The following SV2B variants were observed in gnomAD, a reference collection of about 807,000 sequenced individuals.
SV2B encodes the protein synaptic vesicle glycoprotein 2B.
In SV2B, 41 loss-of-function variants were observed where a neutral mutation model predicts 73.9. The observed-to-expected ratio is 0.56, with a 90% CI of 0.43 to 0.72. SV2B has a LOEUF of 0.72. Among genes scored for constraint, SV2B ranks in the 30% least tolerant of loss-of-function variants. The pLI is 0.00. For synonymous variants in SV2B, 314 were observed against 314.2 expected (o/e 1.00, Z 0.01); for missense variants, 764 against 857.8 (o/e 0.89, Z 1.37).
intron 1 of SV2B, among the ~76,000 whole-genome samples, chr15:91,107,811 A>G (rs1326202764): frequency 6.6e-6 from 1 of 152,074 alleles, no homozygotes; most frequent in Non-Finnish European, 1.5e-5. Context: ...GGATCTTGCT[A>G]TGCTGCCCAG....
intron 1 of SV2B, among the ~76,000 whole-genome samples, chr15:91,208,860 A>T (rs2141415040): frequency 6.6e-6 from 1 of 152,264 alleles, no homozygotes; most frequent in South Asian, 2.1e-4. Flanking sequence ...GTTGGAGTTC[A>T]TTTCAGTATC....
intron 1 of SV2B, among the ~76,000 whole-genome samples, chr15:91,104,296 C>T (rs2041818178): frequency 6.6e-6 from 1 of 152,180 alleles, no homozygotes; most frequent in African/African-American, 2.4e-5. Flanking sequence ...TTAGGATGGC[C>T]TCAGCTGGAT....
intron 1 of SV2B, among the ~76,000 whole-genome samples, chr15:91,181,394 G>C (rs1423816381): frequency 6.6e-6 from 1 of 152,102 alleles, no homozygotes; most frequent in Non-Finnish European, 1.5e-5. Context: ...ATCTCCAGCT[G>C]CGTGCTGGGA....
chr15:91,300,391 G>A lies in SV2B; in HGVS notation c.*7839G>A, dbSNP rs1369595722. 1 of 152,198 alleles carries A rather than the reference G, an allele frequency of 6.6e-6. No homozygotes were observed. The highest frequency in any genetic ancestry group is 1.5e-5 in the Non-Finnish European group (1 of 68,040). 9.4% of individuals were successfully genotyped at this position (152,198 alleles called of 1,614,324 possible). On this transcript the variant is annotated 3_prime_UTR_variant, in exon 13 of 13. Transcript: ENST00000394232. ...GATGTAATGAGTTAAGTAGATGAAA[G>A]AGATTAAGGTGCAGGGAAGGGCTCT...
chr15:91,189,364 A>G (rs8036378), intron 1 of SV2B, among the ~76,000 whole-genome samples: 2,053 of 152,140 alleles, frequency 0.013, 52 homozygotes, highest in African/African-American at 0.046. Context: ...AAATATATGT[A>G]TTGTTTTATT....
rs1482670629 is a variant in SV2B at position 91,258,718 on chromosome 15, G to A, written c.918+164G>A. ...CTCATCATTGAATCTGGCACCTGCC[G>A]GCTGTGATGGTGGCAGGTCATGGAT... On this transcript the variant is annotated intron_variant, in intron 5 of 12. Transcript: ENST00000394232. The surrounding 1 kb of genome is among the most constrained non-coding windows in gnomAD (Gnocchi z 4.7). 2.6e-5 allele frequency among the ~76,000 whole-genome samples: 4 copies of A among 152,084 alleles called. No homozygotes were observed. The highest frequency in any genetic ancestry group is 2.0e-4 in the Admixed American group (3 of 15,268).
At position 91,260,321 on chromosome 15, in the gene SV2B, T is replaced by C; in HGVS notation, c.920T>C (p.Met307Thr). The change falls in exon 6 of 13, where the codon ATG becomes ACG. Residue 307 changes from methionine to threonine, a missense_variant and splice_region_variant. Coordinates refer to ENST00000394232, the MANE Select transcript of SV2B (RefSeq NM_001323032.3). ...TGTGTCTTTCCTTGGTTTCACCAGA[T>C]GGGCAAACATGATGAAGCCTGGATG... ...MPESPRFLLE[M>T]GKHDEAWMIL... The C allele has an allele frequency of 6.2e-7, 1 of 1,608,208 alleles. No homozygotes were observed. The highest frequency in any genetic ancestry group is 8.5e-7 in the Non-Finnish European group (1 of 1,178,398).
At position 91,148,021 on chromosome 15, in the gene SV2B, C is replaced by T. The variant is rs1046491563; in HGVS notation, c.-392+47658C>T. Among the ~76,000 whole-genome samples the T allele has an allele frequency of 2.4e-5, 3 of 127,270 alleles. No homozygotes were observed. The Admixed American group carries it at 2.7e-4, about 12-fold the overall frequency. The allele number at this position is 127,270 out of a possible 152,430, so 83.5% of individuals were successfully genotyped here. A position where few individuals can be genotyped will look rare whatever the true frequency, so the allele number is the denominator to read the frequency against. ...TTTGAGATGGAGTCTTGCTCTGTCG[C>T]CCAGGCTGGAGTGCAGTGGTGCAAT... On this transcript the variant is annotated intron_variant, in intron 1 of 12. Coordinates refer to ENST00000394232, the MANE Select transcript of SV2B (RefSeq NM_001323032.3).
rs557674213 is a variant in SV2B, at chr15:91,105,317, C to G, written c.-392+4954C>G. 3.9e-5 allele frequency among the ~76,000 whole-genome samples: 6 copies of G among 152,112 alleles called. No individual in the cohort carries two copies. In the East Asian group the frequency reaches 1.2e-3, roughly 29 times the overall value. On this transcript the variant is annotated intron_variant, in intron 1 of 12. Coordinates refer to ENST00000394232, the MANE Select transcript of SV2B (RefSeq NM_001323032.3). The surrounding 1 kb of genome is among the most constrained non-coding windows in gnomAD (Gnocchi z 5.5). ...TAAAACGAAGTGTGGGTATTTTATG[C>G]AAGGTGGTCAGGGTGACATGAAGGA...
At chr15:91,196,917 G>A (rs28374952) in intron 1 of SV2B, among the ~76,000 whole-genome samples, 4,930 of 152,272 alleles carry the variant, frequency 0.032, 252 homozygotes, top group African/African-American at 0.11. Context: ...GATGGCTGCT[G>A]TTCACATGGT....
Position 91,119,956 on chromosome 15 carries a change from A to G in SV2B, c.-392+19593A>G, listed in dbSNP as rs531568288. Reference sequence around the variant, plus strand: ...TTTTCCATATTTGTAAAAGCTCCGCATATATTGAAGATATTATTCTCCTTG... The same window carrying G: ...TTTTCCATATTTGTAAAAGCTCCGCGTATATTGAAGATATTATTCTCCTTG... On this transcript the variant is annotated intron_variant, in intron 1 of 12. Coordinates refer to ENST00000394232, the MANE Select transcript of SV2B (RefSeq NM_001323032.3). Among the ~76,000 whole-genome samples, 32 of 152,370 alleles carry G rather than the reference A, an allele frequency of 2.1e-4. 2 individuals carry two copies. The highest frequency in any genetic ancestry group is 7.7e-4 in the African/African-American group (32 of 41,598).
At chr15:91,251,617 G>A (rs1447556957) in intron 2 of SV2B, among the ~76,000 whole-genome samples, 1 of 152,152 alleles carries the variant, frequency 6.6e-6, no homozygotes, top group African/African-American at 2.4e-5. Context: ...TATATGTGAG[G>A]CCATTTTTAA....
chr15:91,272,426 T>C (rs1378754155), intron 9 of SV2B, among the ~76,000 whole-genome samples: 1 of 152,166 alleles, frequency 6.6e-6, no homozygotes, highest in Admixed American at 6.5e-5. Context: ...TTATCTTATT[T>C]AAACCTTTCT....
intron 1 of SV2B, among the ~76,000 whole-genome samples, chr15:91,125,191 C>T (rs192620570): frequency 8.5e-4 from 130 of 152,262 alleles, no homozygotes; most frequent in African/African-American, 2.8e-3. Context: ...CTCATTGTAA[C>T]ATAATTAACT....
In SV2B at chr15:91,216,313, A is replaced by T. The variant is rs572955047; in HGVS notation, c.-391-9560A>T. ...AAAGTTGATAACAAGTAACTCAAGC[A>T]GTCAGTCGGTAGAACCACTGCACCC... On this transcript the variant is annotated intron_variant, in intron 1 of 12. Transcript: ENST00000394232. Among the ~76,000 whole-genome samples the T allele has an allele frequency of 1.6e-4, 25 of 152,322 alleles. 1 individual carries two copies. In the South Asian group the frequency reaches 5.2e-3, roughly 32 times the overall value.
intron 9 of SV2B, among the ~76,000 whole-genome samples, chr15:91,277,182 T>G (rs1388341350): frequency 1.3e-5 from 2 of 151,844 alleles, no homozygotes; most frequent in Non-Finnish European, 3.0e-5. Context: ...TCAGATGTTT[T>G]GTATGACAGT....
At chr15:91,165,168 C>G (rs1373497614) in intron 1 of SV2B, among the ~76,000 whole-genome samples, 1 of 152,038 alleles carries the variant, frequency 6.6e-6, no homozygotes, top group Non-Finnish European at 1.5e-5. Flanking sequence ...GAAACCCCAT[C>G]TCTACTAAAA....
At chr15:91,158,968 T>G (rs6496764) in intron 1 of SV2B, among the ~76,000 whole-genome samples, 53,174 of 151,280 alleles carry the variant, frequency 0.35, 10,023 homozygotes, top group East Asian at 0.64. Flanking sequence ...GTCCTGGTTG[T>G]GCTAATGTAG....
chr15:91,131,168 T>TTAA (rs1246005285), intron 1 of SV2B, among the ~76,000 whole-genome samples: 1 of 122,084 alleles, frequency 8.2e-6, no homozygotes, highest in Non-Finnish European at 1.8e-5. Context: ...TTTTTTTTTT[T>TTAA]AAATAGAGAC....
Sources: allele counts gnomAD v4.1 joint callset (sites outside exome capture counted in the v4.1 genomes callset), GRCh38; gene constraint gnomAD v4.1.1; non-coding constraint Gnocchi (gnomAD v3.1); transcripts MANE v1.5; gene names NCBI Gene and HGNC (gene_info 2026-07-23, HGNC 2026-07-21).